CDH2: variants seen among roughly 807,000 people sequenced by gnomAD.
CDH2 encodes cadherin 2, also known as cadherin-2.
CDH2 carries 17 observed loss-of-function variants against 92.0 expected under a neutral mutation model. The observed-to-expected ratio is 0.18, with a 90% CI of 0.13 to 0.28. The LOEUF (loss-of-function observed/expected upper bound fraction) is 0.28. Ranked by LOEUF, CDH2 falls within the 10% of genes least tolerant of loss-of-function variation. The pLI is 1.00. For synonymous variants in CDH2, 419 were observed against 415.9 expected, an observed-to-expected ratio of 1.01 and a Z score of -0.09; for missense variants, 862 against 1,133.1, an observed-to-expected ratio of 0.76 and a Z score of 3.44.
chr18:27,940,439 C>T (rs1197396129), intron 6 of CDH2, among the ~76,000 whole-genome samples: 3 of 152,150 alleles, frequency 2.0e-5, no homozygotes, highest in African/African-American at 7.2e-5. Flanking sequence ...GGCCAATAAG[C>T]TCAACCATTA....
intron 15 of CDH2, among the ~76,000 whole-genome samples, chr18:27,959,054 T>C (rs2011330131): frequency 6.6e-6 from 1 of 152,252 alleles, no homozygotes; most frequent in Admixed American, 6.5e-5. Flanking sequence ...CACGTATATA[T>C]ATAAAGAAGT....
At chr18:28,172,484 T>G (rs1291571981) in intron 1 of CDH2, among the ~76,000 whole-genome samples, 2 of 152,108 alleles carry the variant, frequency 1.3e-5, no homozygotes, top group East Asian at 3.9e-4. Flanking sequence ...ACTGATGTCT[T>G]TTTCTGAAAA....
intron 2 of CDH2, among the ~76,000 whole-genome samples, chr18:28,109,781 GAAGA>G (rs1226685528): frequency 2.0e-5 from 3 of 152,106 alleles, no homozygotes; most frequent in Admixed American, 2.0e-4. Context: ...TGAAGATCAA[GAAGA>G]AAGCTTTTCT....
At chr18:28,077,888 C>T (rs2014752532) in intron 2 of CDH2, among the ~76,000 whole-genome samples, 1 of 51,332 alleles carries the variant, frequency 1.9e-5, no homozygotes, top group African/African-American at 1.1e-4. Context: ...GAGACCCTGT[C>T]TCAAAAAAAA....
chr18:27,971,980 C>T lies in CDH2; in HGVS notation c.2350-8459G>A, dbSNP rs540496059. Among the ~76,000 whole-genome samples, 131 of 152,284 alleles carry T rather than the reference C, an allele frequency of 8.6e-4. 3 individuals carry two copies. In the South Asian group the frequency reaches 0.027, roughly 31 times the overall value. On this transcript the variant is annotated intron_variant, in intron 14 of 15. Transcript: ENST00000269141. ...TCCGATAGTTGGGCTTGATTGCCCACATTAGGTCTGGTTCCCGAGACTGGC... is the reference window on the plus strand; with the variant it reads ...TCCGATAGTTGGGCTTGATTGCCCATATTAGGTCTGGTTCCCGAGACTGGC...
intron 1 of CDH2, among the ~76,000 whole-genome samples, chr18:28,163,397 G>A (rs566802281): frequency 3.3e-4 from 50 of 152,300 alleles, no homozygotes; most frequent in African/African-American, 1.1e-3. Flanking sequence ...CCATCACCTG[G>A]GAGTCTGCCA....
chr18:27,986,829 G>C (rs2012250561), intron 11 of CDH2, among the ~76,000 whole-genome samples: 2 of 152,160 alleles, frequency 1.3e-5, no homozygotes, highest in Admixed American at 1.3e-4. Context: ...ATACTCAACA[G>C]TTTGAGGGAC....
intron 2 of CDH2, among the ~76,000 whole-genome samples, chr18:28,099,476 C>T (rs1174597106): frequency 2.0e-5 from 3 of 152,096 alleles, no homozygotes; most frequent in Admixed American, 1.3e-4. Context: ...TTTGTAGTCA[C>T]ACTAATATGG....
chr18:28,116,283 G>GTT (rs2015494863), intron 2 of CDH2, among the ~76,000 whole-genome samples: 1 of 152,166 alleles, frequency 6.6e-6, no homozygotes, highest in Non-Finnish European at 1.5e-5. Flanking sequence ...TTGTTAGGGA[G>GTT]AGGCCACTAG....
chr18:28,156,302 A>G (rs909521132), intron 1 of CDH2, among the ~76,000 whole-genome samples: 1 of 152,220 alleles, frequency 6.6e-6, no homozygotes, highest in African/African-American at 2.4e-5. Flanking sequence ...CAAACTGTTG[A>G]AACTGAACTC....
intron 1 of CDH2, among the ~76,000 whole-genome samples, chr18:28,151,818 G>A (rs1297319859): frequency 6.6e-6 from 1 of 152,068 alleles, no homozygotes; most frequent in Admixed American, 6.6e-5. Flanking sequence ...TTCTGTAAAG[G>A]GTAAACTAAG....
chr18:28,050,834 A>G (rs1053058657), intron 2 of CDH2, among the ~76,000 whole-genome samples: 1 of 152,186 alleles, frequency 6.6e-6, no homozygotes, highest in Non-Finnish European at 1.5e-5. Context: ...GAAAATTCCT[A>G]AGATAGTCAT....
chr18:28,103,582 A>G (rs1396936287), intron 2 of CDH2, among the ~76,000 whole-genome samples: 1 of 151,750 alleles, frequency 6.6e-6, no homozygotes, highest in Non-Finnish European at 1.5e-5. Flanking sequence ...TACACATGCC[A>G]TGGTGGTTTG....
At chr18:28,109,004 C>CTTCTCCAG (rs2015367687) in intron 2 of CDH2, among the ~76,000 whole-genome samples, 2 of 152,098 alleles carry the variant, frequency 1.3e-5, no homozygotes. Context: ...ACAACAGCGC[C>CTTCTCCAG]TTCTCCAGTG....
chr18:28,158,635 C>T (rs1367612570), intron 1 of CDH2, among the ~76,000 whole-genome samples: 1 of 152,152 alleles, frequency 6.6e-6, no homozygotes, highest in Non-Finnish European at 1.5e-5. Flanking sequence ...GGAGTGGACT[C>T]CTAGGAGTTC....
In CDH2 at chr18:28,098,617, T is replaced by C. The variant is rs2015176309; in HGVS notation, c.172+49056A>G. On this transcript the variant is annotated intron_variant, in intron 2 of 15. Transcript: ENST00000269141. ...CGGTGAGGCACATCCAGCCTTCCTG[T>C]GCTTAGGAACACTAGACAGCACTTC... Among the ~76,000 whole-genome samples, 5 of 152,088 alleles carry C rather than the reference T, an allele frequency of 3.3e-5. No individual in the cohort carries two copies. In the South Asian group the frequency reaches 1.0e-3, roughly 32 times the overall value.
At chr18:27,979,337 T>A (rs2011961756) in intron 14 of CDH2, among the ~76,000 whole-genome samples, 1 of 152,082 alleles carries the variant, frequency 6.6e-6, no homozygotes, top group South Asian at 2.1e-4. Flanking sequence ...AAGTGCTAAT[T>A]GAGGAAGAGG....
chr18:28,087,189 T>C (rs1488095095), intron 2 of CDH2, among the ~76,000 whole-genome samples: 1 of 152,172 alleles, frequency 6.6e-6, no homozygotes, highest in African/African-American at 2.4e-5. Flanking sequence ...ATCAATTTCC[T>C]TGAGAAAGAT....
intron 8 of CDH2, 81 bp downstream of exon 8, chr18:27,993,419 T>G: frequency 7.2e-7 from 1 of 1,398,450 alleles, no homozygotes; most frequent in East Asian, 2.4e-5. Flanking sequence ...CACCTCTATT[T>G]AACACATTTA....
Sources: allele counts gnomAD v4.1 joint callset (sites outside exome capture counted in the v4.1 genomes callset), GRCh38; gene constraint gnomAD v4.1.1; transcripts MANE v1.5; gene names NCBI Gene and HGNC (gene_info 2026-07-23, HGNC 2026-07-21).